The following PXDNL variants were observed in gnomAD, a reference collection of about 807,000 sequenced individuals.
PXDNL encodes the protein probable oxidoreductase PXDNL.
PXDNL carries 145 observed loss-of-function variants against 150.8 expected under a neutral mutation model. The observed-to-expected ratio is 0.96, with a 90% CI of 0.84 to 1.10. The LOEUF (loss-of-function observed/expected upper bound fraction) is 1.10. Among genes scored for constraint, PXDNL ranks in the 50% least tolerant of loss-of-function variants. The pLI is 0.00. For synonymous variants in PXDNL, 757 were observed against 725.7 expected (o/e 1.04, Z -0.69); for missense variants, 2,087 against 1,873.9 (o/e 1.11, Z -2.10).
chr8:51,616,925 GTATTTT>G (rs1814142308), intron 2 of PXDNL, among the ~76,000 whole-genome samples: 1 of 151,980 alleles, frequency 6.6e-6, no homozygotes, highest in South Asian at 2.1e-4. Context: ...ATTCTATATT[GTATTTT>G]TATTAGTATT....
chr8:51,604,072 G>C (rs1232112491), intron 2 of PXDNL, among the ~76,000 whole-genome samples: 1 of 151,972 alleles, frequency 6.6e-6, no homozygotes, highest in African/African-American at 2.4e-5. Flanking sequence ...AATAAAATTA[G>C]TTTGTTAAAT....
At chr8:51,712,125 G>T (rs1816514961) in intron 1 of PXDNL, among the ~76,000 whole-genome samples, 1 of 152,134 alleles carries the variant, frequency 6.6e-6, no homozygotes, top group African/African-American at 2.4e-5. Context: ...GAGGAATGAG[G>T]CCTCTGGCAT....
In PXDNL at chr8:51,652,139, C is replaced by T. The variant is rs113773339; in HGVS notation, c.236+2550G>A. 5.4e-3 allele frequency among the ~76,000 whole-genome samples: 824 copies of T among 152,174 alleles called. 7 individuals are homozygous for T. The highest frequency in any genetic ancestry group is 0.036 in the South Asian group (174 of 4,814). ...TAAAGGCAACCCAAGGAAATAGAAT[C>T]ACCAGATGCTTGATTTCATTTTGTG... On this transcript the variant is annotated intron_variant, in intron 2 of 22. Transcript: ENST00000356297.
chr8:51,766,742 T>TA lies in PXDNL; in HGVS notation c.164+42438_164+42439insT, dbSNP rs1321232291. Among the ~76,000 whole-genome samples, 56 of 149,304 alleles carry TA rather than the reference T, an allele frequency of 3.8e-4. 1 individual carries two copies. Among genetic ancestry groups the TA allele is most frequent in the Middle Eastern group, 6.8e-3 (2 of 292 alleles). ...ACTTTATTTGTGATGCATCTTTTTT[T>TA]TAAAAAAAAAAGATGTCTTCAACAG... On this transcript the variant is annotated intron_variant, in intron 1 of 22. Coordinates refer to ENST00000356297, the MANE Select transcript of PXDNL (RefSeq NM_144651.5).
intron 1 of PXDNL, among the ~76,000 whole-genome samples, chr8:51,683,912 A>G (rs1031836117): frequency 1.3e-5 from 2 of 152,160 alleles, no homozygotes; most frequent in African/African-American, 4.8e-5. Context: ...TCTTACCTTA[A>G]GTGTTCCAAA....
At chr8:51,659,390 A>C (rs1428644511) in intron 1 of PXDNL, among the ~76,000 whole-genome samples, 2 of 152,206 alleles carry the variant, frequency 1.3e-5, no homozygotes, top group African/African-American at 2.4e-5. Context: ...AGAAATGTTT[A>C]ATGCTCTTCT....
At chr8:51,642,077 A>G (rs1814771831) in intron 2 of PXDNL, among the ~76,000 whole-genome samples, 1 of 152,040 alleles carries the variant, frequency 6.6e-6, no homozygotes, top group Non-Finnish European at 1.5e-5. Flanking sequence ...GAAATTGGAA[A>G]CCATCATTCT....
chr8:51,685,124 A>G (rs1815844137), intron 1 of PXDNL, among the ~76,000 whole-genome samples: 2 of 152,192 alleles, frequency 1.3e-5, no homozygotes, highest in African/African-American at 4.8e-5. Flanking sequence ...AATGTGTCTC[A>G]CTGTGCTGCT....
In PXDNL at chr8:51,499,715, G is replaced by A. The variant is rs374921560; in HGVS notation, c.436C>T (p.Leu146=). 1 of 1,612,734 alleles carries A rather than the reference G, an allele frequency of 6.2e-7. No individual in the cohort carries two copies. The highest frequency in any genetic ancestry group is 1.3e-5 in the African/African-American group (1 of 74,902). ...AACACTTACAGTCGCTCTAATCTCA[G>A]AAGGTCTCCAAAGGTCTCTGGCTGT... ...MLQPETFGDL[L]RLERLFLHNN... is the part of the protein sequence containing the mutation. Residue 146 remains leucine (L), a synonymous_variant, in exon 5 of 23, where the codon CTG becomes TTG. Transcript: ENST00000356297.
At chr8:51,696,840 G>C (rs896088601) in intron 1 of PXDNL, among the ~76,000 whole-genome samples, 120 of 624 alleles carry the variant, frequency 0.19, 5 homozygotes, top group African/African-American at 0.24. Context: ...CACACACACA[G>C]GTCCTGACAC....
chr8:51,434,877 A>T (rs1010335361), intron 12 of PXDNL, among the ~76,000 whole-genome samples: 2 of 152,250 alleles, frequency 1.3e-5, no homozygotes, highest in African/African-American at 4.8e-5. Context: ...GAGATGAGGT[A>T]GTAAAAACAG....
chr8:51,470,496 C>A (rs910764598), intron 8 of PXDNL, among the ~76,000 whole-genome samples: 5 of 151,986 alleles, frequency 3.3e-5, no homozygotes, highest in African/African-American at 1.2e-4. Flanking sequence ...ATGGAAGGGA[C>A]ACATGAAAAC....
chr8:51,592,593 C>T, intron 3 of PXDNL, 34 bp downstream of exon 3: 2 of 1,360,550 alleles, frequency 1.5e-6, no homozygotes, highest in Non-Finnish European at 2.0e-6. Flanking sequence ...TCAAACAACA[C>T]CATAAGGCAT....
chr8:51,555,607 A>C (rs968146371), intron 4 of PXDNL, among the ~76,000 whole-genome samples: 35 of 152,170 alleles, frequency 2.3e-4, no homozygotes, highest in African/African-American at 8.4e-4. Flanking sequence ...TTTTGAAACT[A>C]AGAAACCACA....
At chr8:51,336,447 C>G (rs556074010) in intron 21 of PXDNL, among the ~76,000 whole-genome samples, 34 of 152,164 alleles carry the variant, frequency 2.2e-4, no homozygotes, top group Non-Finnish European at 4.1e-4. Flanking sequence ...AAATTTATGT[C>G]TCAGTATAGT....
chr8:51,686,283 T>A (rs185057908), intron 1 of PXDNL, among the ~76,000 whole-genome samples: 8 of 152,346 alleles, frequency 5.3e-5, no homozygotes, highest in Admixed American at 3.9e-4. Context: ...CATGTCCATG[T>A]CCCTGGAGAT....
chr8:51,802,807 C>A (rs1198456949), intron 1 of PXDNL, among the ~76,000 whole-genome samples: 1 of 152,136 alleles, frequency 6.6e-6, no homozygotes, highest in Non-Finnish European at 1.5e-5. Context: ...AACTTCATGG[C>A]AGAATGGAAT....
chr8:51,423,249 C>T (rs1809003475), intron 14 of PXDNL, among the ~76,000 whole-genome samples: 1 of 152,172 alleles, frequency 6.6e-6, no homozygotes, highest in African/African-American at 2.4e-5. Context: ...CCATATTATG[C>T]TTCCACCTCC....
intron 1 of PXDNL, among the ~76,000 whole-genome samples, chr8:51,701,750 A>G (rs764011925): frequency 6.6e-6 from 1 of 152,204 alleles, no homozygotes; most frequent in Non-Finnish European, 1.5e-5. Flanking sequence ...TTGCTTTTCA[A>G]TAAAGGGAAG....
Sources: allele counts gnomAD v4.1 joint callset (sites outside exome capture counted in the v4.1 genomes callset), GRCh38; gene constraint gnomAD v4.1.1; transcripts MANE v1.5; gene names NCBI Gene and HGNC (gene_info 2026-07-23, HGNC 2026-07-21).